The following FMN1 variants were observed in gnomAD, a reference collection of about 807,000 sequenced individuals.
FMN1 encodes formin-1.
A neutral mutation model predicts 132.4 loss-of-function variants in FMN1; 110 were observed. That is an observed-to-expected ratio of 0.83 (90% CI 0.71 to 0.97). FMN1 has a LOEUF of 0.97. Among genes scored for constraint, FMN1 ranks in the 50% least tolerant of loss-of-function variants. The probability of loss-of-function intolerance (pLI) is 0.00; values close to 1 mark genes in which losing one functional copy is unlikely to be tolerated. For missense variants in FMN1, 1,792 were observed against 1,705.3 expected (o/e 1.05, Z -0.90); for synonymous variants, 722 against 651.7 (o/e 1.11, Z -1.64).
intron 17 of FMN1, among the ~76,000 whole-genome samples, chr15:32,810,531 A>G (rs974330114): frequency 6.6e-6 from 1 of 152,240 alleles, no homozygotes; most frequent in Admixed American, 6.5e-5. Context: ...TATTTTCCAC[A>G]GTTAACTTTG....
chr15:32,785,006 A>T (rs2056804317), intron 19 of FMN1, among the ~76,000 whole-genome samples: 1 of 151,344 alleles, frequency 6.6e-6, no homozygotes, highest in East Asian at 1.9e-4. Flanking sequence ...GACTGCAATT[A>T]ACTTTTTTTG....
At chr15:32,991,442 A>C (rs541322849) in intron 7 of FMN1, among the ~76,000 whole-genome samples, 1 of 152,150 alleles carries the variant, frequency 6.6e-6, no homozygotes, top group African/African-American at 2.4e-5. Context: ...CATGATCTAA[A>C]CAACACTGTG....
intron 4 of FMN1, among the ~76,000 whole-genome samples, chr15:33,125,313 G>A (rs568612082): frequency 4.1e-4 from 63 of 152,300 alleles, no homozygotes; most frequent in Admixed American, 7.2e-4. Context: ...ATAGTAAGCC[G>A]TCAAGAAATG....
intron 6 of FMN1, among the ~76,000 whole-genome samples, chr15:33,020,321 A>AC (rs561554328): frequency 1.4e-4 from 21 of 146,914 alleles, no homozygotes; most frequent in African/African-American, 3.2e-4. Flanking sequence ...TGGGAAACCG[A>AC]CCCCCCCAAC....
At chr15:33,109,961 T>C (rs2039635861) in intron 4 of FMN1, among the ~76,000 whole-genome samples, 1 of 152,040 alleles carries the variant, frequency 6.6e-6, no homozygotes, top group Non-Finnish European at 1.5e-5. Context: ...GCACTTCACC[T>C]AGCAACTGGA....
intron 19 of FMN1, among the ~76,000 whole-genome samples, chr15:32,788,508 T>G (rs1442740174): frequency 6.6e-6 from 1 of 152,162 alleles, no homozygotes; most frequent in East Asian, 1.9e-4. Context: ...CCTGTTTGCA[T>G]GGGTGACTGG....
chr15:32,916,429 A>C (rs1490474828), intron 10 of FMN1, among the ~76,000 whole-genome samples: 2 of 152,182 alleles, frequency 1.3e-5, no homozygotes, highest in African/African-American at 4.8e-5. Flanking sequence ...GTTCTCTTTG[A>C]CTGAGGGAGC....
intron 19 of FMN1, among the ~76,000 whole-genome samples, chr15:32,797,707 G>T (rs1012741674): frequency 6.6e-6 from 1 of 151,994 alleles, no homozygotes. Context: ...TAACTTCCTT[G>T]GAAAGAAAGA....
chr15:33,006,762 CATT>C (rs1296615521), intron 7 of FMN1, among the ~76,000 whole-genome samples: 1 of 152,050 alleles, frequency 6.6e-6, no homozygotes, highest in East Asian at 1.9e-4. Flanking sequence ...ACCTAGAGAA[CATT>C]ATGTTACGTG....
intron 17 of FMN1, among the ~76,000 whole-genome samples, chr15:32,829,452 G>C (rs1400087847): frequency 1.3e-5 from 2 of 152,166 alleles, no homozygotes; most frequent in African/African-American, 4.8e-5. Flanking sequence ...AGTTTTCAAA[G>C]ATTGGAAAAT....
At chr15:33,136,722 A>G (rs1963782744) in intron 4 of FMN1, among the ~76,000 whole-genome samples, 1 of 152,200 alleles carries the variant, frequency 6.6e-6, no homozygotes, top group South Asian at 2.1e-4. Flanking sequence ...TTTATCTGCT[A>G]TATTGAATGC....
Position 33,009,950 on chromosome 15 carries a change from G to A in FMN1, c.2162-1875C>T, listed in dbSNP as rs894261931. 3.3e-5 allele frequency among the ~76,000 whole-genome samples: 5 copies of A among 152,014 alleles called. 1 individual carries two copies. In the South Asian group the frequency reaches 8.3e-4, roughly 25 times the overall value. On this transcript the variant is annotated intron_variant, in intron 6 of 20. Coordinates refer to ENST00000616417, the MANE Select transcript of FMN1 (RefSeq NM_001277313.2). ...TTCCCAGGCTAAAGTGCAATGGCAC[G>A]ATCTTGGCTCACTGGAACCTCCACC...
intron 16 of FMN1, among the ~76,000 whole-genome samples, chr15:32,877,622 T>C (rs2059668443): frequency 1.3e-5 from 2 of 152,146 alleles, no homozygotes; most frequent in African/African-American, 4.8e-5. Flanking sequence ...AGCAAACTAC[T>C]TGTCTAATGG....
chr15:32,895,404 A>G (rs2060129722), intron 15 of FMN1, among the ~76,000 whole-genome samples: 1 of 152,132 alleles, frequency 6.6e-6, no homozygotes, highest in Non-Finnish European at 1.5e-5. Context: ...CATAAAGCAT[A>G]CATGTATAAA....
Position 32,767,543 on chromosome 15 carries a change from T to C in FMN1, c.*6767A>G, listed in dbSNP as rs2056088607. ...AAAACTCAATGAAAGAAAAAGACTA[T>C]GATAAACCAATGTTTTCTCTAAAGA... On this transcript the variant is annotated 3_prime_UTR_variant, in exon 21 of 21. Transcript: ENST00000616417. 1.3e-5 allele frequency: 2 copies of C among 152,322 alleles called. No individual in the cohort carries two copies. Among genetic ancestry groups the C allele is most frequent in the East Asian group, 1.9e-4 (1 of 5,188 alleles). The allele number at this position is 152,322 out of a possible 1,614,324, so 9.4% of individuals were successfully genotyped here.
chr15:33,057,142 A>G (rs1052427584), intron 6 of FMN1, among the ~76,000 whole-genome samples: 3 of 152,198 alleles, frequency 2.0e-5, no homozygotes, highest in African/African-American at 7.2e-5. Flanking sequence ...GCACCACTGT[A>G]CTCCAGCCTG....
chr15:33,168,453 C>G (rs1391983889), intron 3 of FMN1, among the ~76,000 whole-genome samples: 1 of 152,144 alleles, frequency 6.6e-6, no homozygotes, highest in Non-Finnish European at 1.5e-5. Context: ...TTAGGAATTC[C>G]TCTTTGTCCT....
intron 17 of FMN1, among the ~76,000 whole-genome samples, chr15:32,807,976 A>G (rs772360495): frequency 6.6e-6 from 1 of 152,194 alleles, no homozygotes; most frequent in Non-Finnish European, 1.5e-5. Flanking sequence ...TTAAGTCTTC[A>G]AGATGCTCTA....
intron 7 of FMN1, among the ~76,000 whole-genome samples, chr15:32,977,414 G>C (rs760712479): frequency 1.3e-5 from 2 of 152,138 alleles, no homozygotes; most frequent in African/African-American, 4.8e-5. Context: ...CCATCCTCCT[G>C]AAAAAGATAT....
Sources: allele counts gnomAD v4.1 joint callset (sites outside exome capture counted in the v4.1 genomes callset), GRCh38; gene constraint gnomAD v4.1.1; transcripts MANE v1.5; gene names NCBI Gene and HGNC (gene_info 2026-07-23, HGNC 2026-07-21).